Variants in ESRRG observed in about 807,000 individuals in gnomAD.
ESRRG encodes estrogen-related receptor gamma.
ESRRG carries 13 observed loss-of-function variants against 44.0 expected under a neutral mutation model. The observed-to-expected ratio is 0.30, with a 90% CI of 0.19 to 0.47. The LOEUF is 0.47. ESRRG is among the 20% of genes least tolerant of loss of function. The pLI is 1.00. For synonymous variants in ESRRG, 215 were observed against 214.6 expected (o/e 1.00, Z -0.02); for missense variants, 395 against 580.6 (o/e 0.68, Z 3.29).
chr1:216,716,667 A>G (rs1202626446), intron 1 of ESRRG, among the ~76,000 whole-genome samples: 2 of 151,922 alleles, frequency 1.3e-5, no homozygotes, highest in African/African-American at 4.8e-5. Flanking sequence ...ACTGTTTTTT[A>G]TAATTAAAAT....
At chr1:216,806,099 C>T (rs568606742) in intron 2 of ESRRG, among the ~76,000 whole-genome samples, 3 of 152,334 alleles carry the variant, frequency 2.0e-5, no homozygotes, top group Admixed American at 6.5e-5. Flanking sequence ...AGGCTGCCTC[C>T]TAATAGCTCT....
intron 1 of ESRRG, among the ~76,000 whole-genome samples, chr1:217,079,365 C>G (rs530893666): frequency 6.6e-6 from 1 of 152,310 alleles, no homozygotes; most frequent in African/African-American, 2.4e-5. Context: ...TAACAAAAGA[C>G]CATGTTAAAT....
At chr1:216,732,746 GTGATCAA>G (rs1174211020) in intron 2 of ESRRG, among the ~76,000 whole-genome samples, 7 of 148,874 alleles carry the variant, frequency 4.7e-5, no homozygotes, top group South Asian at 2.1e-4. Flanking sequence ...CAAGGCATCA[GTGATCAA>G]TGATCAATGA....
chr1:216,561,923 T>G (rs942348670), intron 5 of ESRRG, among the ~76,000 whole-genome samples: 3 of 152,152 alleles, frequency 2.0e-5, no homozygotes, highest in African/African-American at 7.2e-5. Context: ...CATAATCGTA[T>G]AGTAATTGTT....
intron 1 of ESRRG, among the ~76,000 whole-genome samples, chr1:217,026,489 C>T (rs534838465): frequency 2.6e-5 from 4 of 152,216 alleles, no homozygotes; most frequent in East Asian, 1.9e-4. Flanking sequence ...GTTATGGGTT[C>T]GAGGCAGGTG....
chr1:217,056,826 C>T (rs1042938938), intron 1 of ESRRG, among the ~76,000 whole-genome samples: 1 of 151,634 alleles, frequency 6.6e-6, no homozygotes, highest in Non-Finnish European at 1.5e-5. Context: ...CCACCAACTG[C>T]CAGAAATTCT....
intron 1 of ESRRG, among the ~76,000 whole-genome samples, chr1:216,943,646 A>G (rs926571738): frequency 1.3e-5 from 2 of 152,224 alleles, no homozygotes; most frequent in African/African-American, 4.8e-5. Context: ...AAGCCTGAAC[A>G]GCATATACTC....
chr1:216,730,184 C>CTCAG (rs2088444633), intron 2 of ESRRG, among the ~76,000 whole-genome samples: 1 of 151,670 alleles, frequency 6.6e-6, no homozygotes, highest in Non-Finnish European at 1.5e-5. Context: ...AGAACTCCGA[C>CTCAG]AGAGATCTGA....
intron 5 of ESRRG, among the ~76,000 whole-genome samples, chr1:216,524,718 A>G (rs1356890349): frequency 6.6e-6 from 1 of 152,108 alleles, no homozygotes; most frequent in African/African-American, 2.4e-5. Context: ...ATTTTATGGA[A>G]CTATTATTTT....
chr1:217,116,580 G>C (rs830312), intron 1 of ESRRG, among the ~76,000 whole-genome samples: 88,225 of 152,038 alleles, frequency 0.58, 26,183 homozygotes, highest in African/African-American at 0.68. Flanking sequence ...TTACTTAAGT[G>C]TAACTTTGAT....
chr1:216,837,531 CA>C (rs2095586849), intron 2 of ESRRG, among the ~76,000 whole-genome samples: 1 of 152,090 alleles, frequency 6.6e-6, no homozygotes, highest in South Asian at 2.1e-4. Context: ...AGACGGGAGT[CA>C]CTGATTTAGG....
chr1:216,948,716 T>C (rs2066486680), intron 1 of ESRRG, among the ~76,000 whole-genome samples: 1 of 152,174 alleles, frequency 6.6e-6, no homozygotes, highest in Non-Finnish European at 1.5e-5. Flanking sequence ...TTGTATGTGT[T>C]ACAAAACCAG....
At chr1:216,767,419 C>T (rs766270551) in intron 2 of ESRRG, among the ~76,000 whole-genome samples, 15 of 152,080 alleles carry the variant, frequency 9.9e-5, no homozygotes, top group Non-Finnish European at 1.8e-4. Flanking sequence ...AATCTAATCA[C>T]CTGCAATGTT....
At chr1:217,107,129 T>C (rs2092606800) in intron 1 of ESRRG, among the ~76,000 whole-genome samples, 1 of 152,216 alleles carries the variant, frequency 6.6e-6, no homozygotes, top group South Asian at 2.1e-4. Context: ...CTGATATTAA[T>C]AGTCTGGCTT....
intron 2 of ESRRG, among the ~76,000 whole-genome samples, chr1:216,813,000 A>G (rs568534800): frequency 2.0e-5 from 3 of 152,344 alleles, no homozygotes; most frequent in African/African-American, 7.2e-5. Flanking sequence ...GTTAACTGAG[A>G]CAAAAGAATG....
chr1:216,922,699 G>C (rs773832169), intron 2 of ESRRG, among the ~76,000 whole-genome samples: 1 of 152,212 alleles, frequency 6.6e-6, no homozygotes, highest in Non-Finnish European at 1.5e-5. Context: ...TGGAAAAGGA[G>C]CTGGGAAACA....
intron 2 of ESRRG, among the ~76,000 whole-genome samples, chr1:216,815,004 C>T (rs1175621909): frequency 6.6e-6 from 1 of 152,082 alleles, no homozygotes; most frequent in East Asian, 1.9e-4. Context: ...TTCTTAAATC[C>T]TCCCCTCACT....
At chr1:216,573,089 C>A (rs997422487) in intron 3 of ESRRG, among the ~76,000 whole-genome samples, 4 of 151,898 alleles carry the variant, frequency 2.6e-5, no homozygotes, top group Non-Finnish European at 4.4e-5. Context: ...AAATTTTTAG[C>A]CTTGCATACA....
chr1:216,913,612 TACTC>T (rs773991016), intron 2 of ESRRG, among the ~76,000 whole-genome samples: 4 of 152,248 alleles, frequency 2.6e-5, no homozygotes, highest in African/African-American at 7.2e-5. Flanking sequence ...TTTCCAAGCT[TACTC>T]ACTCTACGGC....
Sources: allele counts gnomAD v4.1 joint callset (sites outside exome capture counted in the v4.1 genomes callset), GRCh38; gene constraint gnomAD v4.1.1; transcripts MANE v1.5; gene names NCBI Gene and HGNC (gene_info 2026-07-23, HGNC 2026-07-21).